The following CHN2 variants were observed in gnomAD, a reference collection of about 807,000 sequenced individuals.
The protein encoded by CHN2 is beta-chimaerin.
Under a neutral mutation model 56.3 loss-of-function variants are expected in CHN2, and 35 were observed. The observed-to-expected ratio is 0.62, with a 90% CI of 0.47 to 0.82. The LOEUF is 0.82. Among genes scored for constraint, CHN2 ranks in the 40% least tolerant of loss-of-function variants. The pLI, the probability that CHN2 is intolerant of heterozygous loss-of-function variation, is 0.00. For synonymous variants in CHN2, 210 were observed against 212.8 expected (o/e 0.99, Z 0.12); for missense variants, 491 against 580.5 (o/e 0.85, Z 1.58).
At chr7:29,490,437 G>A (rs1044341484) in intron 7 of CHN2, among the ~76,000 whole-genome samples, 14 of 152,120 alleles carry the variant, frequency 9.2e-5, no homozygotes, top group Non-Finnish European at 1.6e-4. Context: ...TATTCTTGTA[G>A]ATAATGAGAT....
intron 1 of CHN2, among the ~76,000 whole-genome samples, chr7:29,345,186 C>T (rs1229353851): frequency 2.0e-5 from 3 of 152,190 alleles, no homozygotes; most frequent in African/African-American, 7.2e-5. Flanking sequence ...GTACACCTGC[C>T]TGAAAAAGAC....
At chr7:29,297,934 C>T (rs1793320315) in intron 1 of CHN2, among the ~76,000 whole-genome samples, 1 of 152,278 alleles carries the variant, frequency 6.6e-6, no homozygotes, top group South Asian at 2.1e-4. Flanking sequence ...TGAATGGCTA[C>T]CCGTCTAGAA....
At chr7:29,458,827 T>G (rs1232720871) in intron 6 of CHN2, among the ~76,000 whole-genome samples, 1 of 152,216 alleles carries the variant, frequency 6.6e-6, no homozygotes, top group Non-Finnish European at 1.5e-5. Context: ...CCAAAGAAGA[T>G]ACCACATTTG....
chr7:29,279,788 C>T (rs1041106942), intron 1 of CHN2, among the ~76,000 whole-genome samples: 1 of 152,142 alleles, frequency 6.6e-6, no homozygotes, highest in East Asian at 1.9e-4. Context: ...GATTTGGAAA[C>T]CAGTCTAGAG....
At chr7:29,319,326 A>G (rs1197532969) in intron 1 of CHN2, among the ~76,000 whole-genome samples, 1 of 152,206 alleles carries the variant, frequency 6.6e-6, no homozygotes, top group Non-Finnish European at 1.5e-5. Flanking sequence ...CTAGGCTCCA[A>G]GCGAGTTGAG....
At chr7:29,454,602 T>C (rs1420921781) in intron 6 of CHN2, among the ~76,000 whole-genome samples, 1 of 152,208 alleles carries the variant, frequency 6.6e-6, no homozygotes, top group Non-Finnish European at 1.5e-5. Context: ...TTCTTACCCA[T>C]GTGACATGCC....
chr7:29,244,636 G>A (rs766839963), intron 1 of CHN2, among the ~76,000 whole-genome samples: 7 of 152,170 alleles, frequency 4.6e-5, no homozygotes, highest in Non-Finnish European at 7.4e-5. Flanking sequence ...CGCGCCATAT[G>A]TTGTCATCTC....
At chr7:29,242,156 T>C (rs532938671) in intron 1 of CHN2, among the ~76,000 whole-genome samples, 1 of 152,286 alleles carries the variant, frequency 6.6e-6, no homozygotes, top group South Asian at 2.1e-4. Context: ...CCAAATGTCA[T>C]GTAGCTTATA....
At chr7:29,373,418 G>A (rs1799779514) in intron 3 of CHN2, among the ~76,000 whole-genome samples, 1 of 151,534 alleles carries the variant, frequency 6.6e-6, no homozygotes, top group Non-Finnish European at 1.5e-5. Context: ...CAGGTGATCT[G>A]CCTGCCTCAG....
At chr7:29,355,722 A>G (rs907253575) in intron 2 of CHN2, among the ~76,000 whole-genome samples, 157 of 145,836 alleles carry the variant, frequency 1.1e-3, no homozygotes, top group African/African-American at 3.9e-3. Context: ...TGGCCACCGC[A>G]CCAAGCAGCC....
chr7:29,216,865 G>A (rs553149333), intron 1 of CHN2, among the ~76,000 whole-genome samples: 1 of 152,336 alleles, frequency 6.6e-6, no homozygotes, highest in African/African-American at 2.4e-5. Context: ...GATGGATTCA[G>A]TCTTAAGCAG....
At chr7:29,270,084 C>G (rs1054812476) in intron 1 of CHN2, among the ~76,000 whole-genome samples, 2 of 152,216 alleles carry the variant, frequency 1.3e-5, no homozygotes, top group Non-Finnish European at 2.9e-5. Context: ...CCTTTTCTGA[C>G]TTGTGGCCTA....
Position 29,513,625 on chromosome 7 carries a change from TTTCTTCCTGGCCAA to T in CHN2, c.*891_*904del. Reference sequence around the variant, plus strand: ...TGTAAAAAGTTAGCACTTACCCTCTTTTCTTCCTGGCCAAGCCCTCTGAATTCATCTGTTAATAT... The same window carrying T: ...TGTAAAAAGTTAGCACTTACCCTCTTGCCCTCTGAATTCATCTGTTAATAT... On this transcript the variant is annotated 3_prime_UTR_variant, in exon 13 of 13. Transcript: ENST00000222792. 6.6e-6 allele frequency: 1 copy of T among 152,188 alleles called. No homozygotes were observed. The highest frequency in any genetic ancestry group is 2.4e-5 in the African/African-American group (1 of 41,430). The allele number at this position is 152,188 out of a possible 1,614,324, so 9.4% of individuals were successfully genotyped here. A position where few individuals can be genotyped will look rare whatever the true frequency, so the allele number is the denominator to read the frequency against.
chr7:29,440,204 A>G (rs1783529031), intron 6 of CHN2, among the ~76,000 whole-genome samples: 1 of 152,234 alleles, frequency 6.6e-6, no homozygotes, highest in South Asian at 2.1e-4. Context: ...TGCATTAAAT[A>G]TGCTCTTTTG....
intron 6 of CHN2, among the ~76,000 whole-genome samples, chr7:29,462,968 A>C (rs538293215): frequency 8.1e-5 from 11 of 135,002 alleles, no homozygotes; most frequent in Admixed American, 1.7e-4. Context: ...CGGGTTCCCA[A>C]GGAAGAGACC....
At chr7:29,231,362 T>C (rs1291248110) in intron 1 of CHN2, among the ~76,000 whole-genome samples, 1 of 152,098 alleles carries the variant, frequency 6.6e-6, no homozygotes, top group African/African-American at 2.4e-5. Context: ...AGAAAAGGTG[T>C]GTGTTTCGGA....
intron 12 of CHN2, chr7:29,509,727 C>T: frequency 5.1e-6 from 1 of 196,956 alleles, no homozygotes; most frequent in South Asian, 9.0e-5. Context: ...CGCCTGTAGT[C>T]CCAGCCACTT....
chr7:29,485,481 C>T (rs1328117403), intron 7 of CHN2, among the ~76,000 whole-genome samples: 1 of 152,138 alleles, frequency 6.6e-6, no homozygotes, highest in Admixed American at 6.5e-5. Context: ...GAGGGGGCTC[C>T]CTAGTGCTGG....
chr7:29,457,310 C>T (rs750357526), intron 6 of CHN2, among the ~76,000 whole-genome samples: 7 of 152,124 alleles, frequency 4.6e-5, no homozygotes, highest in African/African-American at 1.4e-4. Context: ...CAGAGAGTCA[C>T]GTCTGTGCTC....
Sources: allele counts gnomAD v4.1 joint callset (sites outside exome capture counted in the v4.1 genomes callset), GRCh38; gene constraint gnomAD v4.1.1; transcripts MANE v1.5; gene names NCBI Gene and HGNC (gene_info 2026-07-23, HGNC 2026-07-21).